The following PTPRD variants were observed in gnomAD, a reference collection of about 807,000 sequenced individuals.
PTPRD encodes protein tyrosine phosphatase receptor type D.
PTPRD carries 34 observed loss-of-function variants against 214.5 expected under a neutral mutation model. That is an observed-to-expected ratio of 0.16 (90% CI 0.12 to 0.21). PTPRD has a LOEUF of 0.21. Ranked by LOEUF, PTPRD falls within the 10% of genes least tolerant of loss-of-function variation. PTPRD has a pLI of 1.00. For missense variants in PTPRD, 2,545 were observed against 2,398.7 expected, an observed-to-expected ratio of 1.06 and a Z score of -1.27; for synonymous variants, 1,128 against 845.7, an observed-to-expected ratio of 1.33 and a Z score of -5.79.
At chr9:9,172,722 A>G (rs2099922221) in intron 10 of PTPRD, among the ~76,000 whole-genome samples, 1 of 151,950 alleles carries the variant, frequency 6.6e-6, no homozygotes, top group Non-Finnish European at 1.5e-5. Context: ...CATCTGGTTG[A>G]TTTGCACATC....
intron 9 of PTPRD, among the ~76,000 whole-genome samples, chr9:9,359,565 T>A (rs1350942000): frequency 1.3e-5 from 2 of 151,194 alleles, no homozygotes; most frequent in Non-Finnish European, 3.0e-5. Context: ...TTATTACCCC[T>A]CCCAATTAAA....
intron 5 of PTPRD, among the ~76,000 whole-genome samples, chr9:9,813,960 G>C (rs2047960375): frequency 6.6e-6 from 1 of 152,130 alleles, no homozygotes; most frequent in South Asian, 2.1e-4. Flanking sequence ...CCATAATCAA[G>C]TGGGATTTAT....
intron 43 of PTPRD, among the ~76,000 whole-genome samples, chr9:8,337,565 G>T (rs7873269): frequency 0.099 from 14,982 of 151,830 alleles, 2,467 homozygotes; most frequent in African/African-American, 0.34. Flanking sequence ...TAACAAACCT[G>T]CATGTTCTGC....
At chr9:9,790,020 C>A (rs1457565550) in intron 5 of PTPRD, among the ~76,000 whole-genome samples, 2 of 151,962 alleles carry the variant, frequency 1.3e-5, no homozygotes, top group African/African-American at 4.8e-5. Context: ...AATTTCTTAA[C>A]TTCATGGGAT....
intron 5 of PTPRD, among the ~76,000 whole-genome samples, chr9:9,903,934 A>C (rs7044446): frequency 0.015 from 2,309 of 152,288 alleles, 64 homozygotes; most frequent in African/African-American, 0.053. Flanking sequence ...TCATTGACTC[A>C]CAACCTACAG....
Position 8,460,455 on chromosome 9 carries a change from C to G in PTPRD, c.3831G>C (p.Val1277=), listed in dbSNP as rs759769165. The part of the protein sequence containing the change: ...LIWVVGPVLA[V]VFIICIVIAI... Reference sequence around the variant, plus strand: ...CAATGACAATGCAGATGATAAAGACCACTGCAAGGACAGGACCTACAACCC... The same window carrying G: ...CAATGACAATGCAGATGATAAAGACGACTGCAAGGACAGGACCTACAACCC... The change falls in exon 33 of 46, where the codon GTG becomes GTC. Residue 1277 remains valine, a synonymous_variant. Coordinates refer to ENST00000381196, the MANE Select transcript of PTPRD (RefSeq NM_002839.4). The G allele has an allele frequency of 3.7e-6, 6 of 1,613,282 alleles. No homozygotes were observed. The highest frequency in any genetic ancestry group is 3.4e-6 in the Non-Finnish European group (4 of 1,179,600).
chr9:9,382,115 T>G (rs929879834), intron 9 of PTPRD, among the ~76,000 whole-genome samples: 2 of 152,014 alleles, frequency 1.3e-5, no homozygotes, highest in African/African-American at 4.8e-5. Context: ...AGTTTATTCC[T>G]AAGTATTTTA....
At chr9:9,729,463 TG>T (rs764737496) in intron 7 of PTPRD, among the ~76,000 whole-genome samples, 1 of 152,002 alleles carries the variant, frequency 6.6e-6, no homozygotes, top group Non-Finnish European at 1.5e-5. Context: ...AACTGCAAGG[TG>T]GAAGGAAAAT....
At chr9:9,282,019 C>G (rs775729461) in intron 9 of PTPRD, among the ~76,000 whole-genome samples, 47 of 151,324 alleles carry the variant, frequency 3.1e-4, no homozygotes, top group Non-Finnish European at 5.9e-4. Flanking sequence ...AAGCTACATC[C>G]TGAATTATTC....
At chr9:9,857,213 G>C (rs751741102) in intron 5 of PTPRD, among the ~76,000 whole-genome samples, 8 of 152,168 alleles carry the variant, frequency 5.3e-5, no homozygotes, top group Non-Finnish European at 1.2e-4. Flanking sequence ...ATTCGAAATG[G>C]AATGAAGGCC....
intron 11 of PTPRD, among the ~76,000 whole-genome samples, chr9:8,751,514 T>C (rs2154463235): frequency 6.6e-6 from 1 of 152,350 alleles, no homozygotes; most frequent in Non-Finnish European, 1.5e-5. Context: ...GTGATACTAA[T>C]ACCCAATAGT....
At chr9:9,783,627 G>A (rs953445840) in intron 5 of PTPRD, among the ~76,000 whole-genome samples, 2 of 152,020 alleles carry the variant, frequency 1.3e-5, no homozygotes, top group Non-Finnish European at 2.9e-5. Context: ...GAAATCCAAG[G>A]AAGTCATAAT....
At chr9:8,693,114 G>T (rs562825836) in intron 12 of PTPRD, among the ~76,000 whole-genome samples, 34 of 152,228 alleles carry the variant, frequency 2.2e-4, no homozygotes, top group African/African-American at 7.7e-4. Context: ...GGAGTTTTGG[G>T]GATACTTGCT....
chr9:10,523,743 T>C (rs1212309130), intron 2 of PTPRD, among the ~76,000 whole-genome samples: 1 of 151,104 alleles, frequency 6.6e-6, no homozygotes, highest in Non-Finnish European at 1.5e-5. Flanking sequence ...TGATTCTCTT[T>C]ATGATTACTT....
At chr9:9,833,583 C>T (rs960809611) in intron 5 of PTPRD, among the ~76,000 whole-genome samples, 7 of 103,192 alleles carry the variant, frequency 6.8e-5, no homozygotes, top group African/African-American at 1.3e-4. Context: ...ATTTATTAGG[C>T]GGGAATTTCC....
At chr9:8,660,635 T>C (rs965672235) in intron 12 of PTPRD, among the ~76,000 whole-genome samples, 1 of 152,174 alleles carries the variant, frequency 6.6e-6, no homozygotes, top group Admixed American at 6.5e-5. Flanking sequence ...ATTCCACCTC[T>C]GAAACCACAA....
intron 11 of PTPRD, among the ~76,000 whole-genome samples, chr9:8,781,020 T>C (rs749395022): frequency 3.3e-4 from 50 of 152,320 alleles, no homozygotes; most frequent in Non-Finnish European, 6.0e-4. Flanking sequence ...ATCTTCTCTT[T>C]AGGTTTAACT....
At chr9:8,416,745 T>C (rs1428604453) in intron 35 of PTPRD, among the ~76,000 whole-genome samples, 1 of 152,140 alleles carries the variant, frequency 6.6e-6, no homozygotes, top group South Asian at 2.1e-4. Flanking sequence ...TTACTTCTGA[T>C]TTTGAGGATT....
At chr9:10,029,527 A>G (rs1375749824) in intron 4 of PTPRD, among the ~76,000 whole-genome samples, 1 of 152,196 alleles carries the variant, frequency 6.6e-6, no homozygotes, top group African/African-American at 2.4e-5. Flanking sequence ...CATGGAGTCA[A>G]AGGAGATCAT....
Sources: allele counts gnomAD v4.1 joint callset (sites outside exome capture counted in the v4.1 genomes callset), GRCh38; gene constraint gnomAD v4.1.1; transcripts MANE v1.5; gene names NCBI Gene and HGNC (gene_info 2026-07-23, HGNC 2026-07-21).